The following FNIP1 variants were observed in gnomAD, a reference collection of about 807,000 sequenced individuals.
The protein encoded by FNIP1 is folliculin-interacting protein 1.
FNIP1 carries 40 observed loss-of-function variants against 124.5 expected under a neutral mutation model. That is an observed-to-expected ratio of 0.32 (90% CI 0.25 to 0.42). The LOEUF is 0.42. Among genes scored for constraint, FNIP1 ranks in the 10% least tolerant of loss-of-function variants. FNIP1 has a pLI of 1.00. For missense variants in FNIP1, 1,176 were observed against 1,403.7 expected, an observed-to-expected ratio of 0.84 and a Z score of 2.59; for synonymous variants, 472 against 470.6, an observed-to-expected ratio of 1.00 and a Z score of -0.04.
At chr5:131,678,886 T>A (rs531573100) in intron 12 of FNIP1, 143 bp downstream of exon 12, 17 of 600,112 alleles carry the variant, frequency 2.8e-5, no homozygotes, top group African/African-American at 1.5e-4. Flanking sequence ...CCATACCCTA[T>A]CATTTAATTA....
intron 6 of FNIP1, among the ~76,000 whole-genome samples, chr5:131,712,267 C>T (rs1489649207): frequency 6.6e-6 from 1 of 152,200 alleles, no homozygotes; most frequent in African/African-American, 2.4e-5. Flanking sequence ...CTATCAATTA[C>T]TACTTCTAGT....
intron 11 of FNIP1, among the ~76,000 whole-genome samples, chr5:131,693,349 T>TATATAC (rs1768576349): frequency 4.0e-5 from 5 of 126,064 alleles, no homozygotes; most frequent in Non-Finnish European, 6.5e-5. Flanking sequence ...TATATATATA[T>TATATAC]ATATATATAT....
intron 1 of FNIP1, among the ~76,000 whole-genome samples, chr5:131,787,701 A>C (rs1187645349): frequency 6.6e-6 from 1 of 152,232 alleles, no homozygotes; most frequent in Non-Finnish European, 1.5e-5. Context: ...AAATGAGTTA[A>C]TAGGTGTAAA....
chr5:131,674,835 A>G (rs1267942801), intron 13 of FNIP1, among the ~76,000 whole-genome samples: 3 of 152,198 alleles, frequency 2.0e-5, no homozygotes, highest in Non-Finnish European at 4.4e-5. Context: ...AAGCCCTCAC[A>G]CTTTTTAAAG....
At chr5:131,766,367 C>T (rs553955724) in intron 1 of FNIP1, among the ~76,000 whole-genome samples, 27 of 152,160 alleles carry the variant, frequency 1.8e-4, no homozygotes, top group African/African-American at 6.3e-4. Flanking sequence ...CCTGCCCCTA[C>T]TTATCTTTAA....
intron 1 of FNIP1, among the ~76,000 whole-genome samples, chr5:131,767,858 T>C (rs1771492389): frequency 6.6e-6 from 1 of 152,214 alleles, no homozygotes; most frequent in Admixed American, 6.5e-5. Context: ...TTGATTAATA[T>C]TTATATAGGC....
intron 15 of FNIP1, among the ~76,000 whole-genome samples, chr5:131,669,831 C>G (rs866523861): frequency 5.3e-5 from 8 of 151,886 alleles, no homozygotes; most frequent in Non-Finnish European, 1.0e-4. Context: ...AATGTCTTTC[C>G]CCTAAGATCA....
chr5:131,646,054 C>T (rs550440190), intron 17 of FNIP1, among the ~76,000 whole-genome samples: 20 of 152,182 alleles, frequency 1.3e-4, no homozygotes, highest in African/African-American at 4.8e-4. Flanking sequence ...TAAAACTTGT[C>T]TTAAATATTT....
chr5:131,714,534 C>T (rs1354405370), intron 6 of FNIP1, among the ~76,000 whole-genome samples: 1 of 152,192 alleles, frequency 6.6e-6, no homozygotes, highest in Non-Finnish European at 1.5e-5. Context: ...GTTTTGTGAT[C>T]TAGCTTTTGC....
At chr5:131,677,950 A>T in intron 12 of FNIP1, 78 bp from the exon 13 acceptor site, 1 of 1,477,832 alleles carries the variant, frequency 6.8e-7, no homozygotes, top group Non-Finnish European at 9.2e-7. Context: ...AAAAGTAAGC[A>T]AGGGGAGTAT....
At chr5:131,679,216 G>C (rs759386306) in intron 11 of FNIP1, 41 bp from the exon 12 acceptor site, 1 of 1,161,944 alleles carries the variant, frequency 8.6e-7, no homozygotes, top group Non-Finnish European at 1.3e-6. Flanking sequence ...ATAGTTCCAA[G>C]AGTTACATAC....
chr5:131,675,909 C>T (rs534217909), intron 13 of FNIP1, among the ~76,000 whole-genome samples: 124 of 152,248 alleles, frequency 8.1e-4, no homozygotes, highest in South Asian at 6.4e-3. Context: ...ACCCAGGCTA[C>T]GGTGCAGTGG....
At chr5:131,646,005 A>G (rs1766869437) in intron 17 of FNIP1, among the ~76,000 whole-genome samples, 1 of 152,214 alleles carries the variant, frequency 6.6e-6, no homozygotes, top group East Asian at 1.9e-4. Context: ...TTGTATGCCA[A>G]AATGCACTGT....
At position 131,641,955 on chromosome 5, in the gene FNIP1, T is replaced by C. The variant is rs1766730898; in HGVS notation, c.*2730A>G. 6.5e-6 allele frequency: 1 copy of C among 152,730 alleles called. No individual in the cohort carries two copies. The highest frequency in any genetic ancestry group is 6.5e-5 in the Admixed American group (1 of 15,276). 9.5% of individuals were successfully genotyped at this position (152,730 alleles called of 1,614,324 possible). The stretch of plus-strand genomic sequence containing the variant: ...ATGCCAATTGGAACAAAACAAAATC[T>C]GTACTAGTATGTTTTTATTGCACTT... On this transcript the variant is annotated 3_prime_UTR_variant, in exon 18 of 18. Transcript: ENST00000510461.
intron 1 of FNIP1, among the ~76,000 whole-genome samples, chr5:131,781,744 T>C (rs1443087266): frequency 6.6e-6 from 1 of 152,172 alleles, no homozygotes; most frequent in African/African-American, 2.4e-5. Context: ...TACAAGGAGA[T>C]TAATGTTATC....
chr5:131,767,989 T>C (rs1561698149), intron 1 of FNIP1, among the ~76,000 whole-genome samples: 1 of 152,180 alleles, frequency 6.6e-6, no homozygotes, highest in Non-Finnish European at 1.5e-5. Flanking sequence ...TTAATGTAAT[T>C]CTAGTGACTG....
chr5:131,690,606 T>C (rs1034926919), intron 11 of FNIP1, among the ~76,000 whole-genome samples: 1 of 152,198 alleles, frequency 6.6e-6, no homozygotes, highest in African/African-American at 2.4e-5. Context: ...ACGAGTTTCC[T>C]GAGGCCTCCA....
intron 15 of FNIP1, among the ~76,000 whole-genome samples, chr5:131,669,880 C>G (rs1767700375): frequency 7.0e-6 from 1 of 142,200 alleles, no homozygotes; most frequent in African/African-American, 2.6e-5. Flanking sequence ...CACTTCCATG[C>G]AACATTGTAT....
chr5:131,662,100 G>T (rs1767458758), intron 15 of FNIP1, among the ~76,000 whole-genome samples: 1 of 152,202 alleles, frequency 6.6e-6, no homozygotes. Context: ...CACCCAATCC[G>T]AAAGGGCTGG....
Sources: gnomAD v4.1 joint callset for allele counts (sites outside exome capture counted in the v4.1 genomes callset) on GRCh38, gnomAD v4.1.1 for gene constraint, MANE v1.5 for transcripts, NCBI Gene and HGNC (gene_info 2026-07-23, HGNC 2026-07-21) for gene names.